SNX30: variants seen among roughly 807,000 people sequenced by gnomAD.
The protein encoded by SNX30 is sorting nexin-30.
In SNX30, 24 loss-of-function variants were observed where a neutral mutation model predicts 46.4. The ratio of observed to expected loss-of-function variants is 0.52; its 90% CI spans 0.37 to 0.73. The LOEUF is 0.73. Among genes scored for constraint, SNX30 ranks in the 30% least tolerant of loss-of-function variants. The probability of loss-of-function intolerance (pLI) is 0.00; values close to 1 mark genes in which losing one functional copy is unlikely to be tolerated. For synonymous variants in SNX30, 189 were observed against 211.5 expected, an observed-to-expected ratio of 0.89 and a Z score of 0.92; for missense variants, 533 against 555.7, an observed-to-expected ratio of 0.96 and a Z score of 0.41.
At chr9:112,792,860 TTC>T (rs1445276483) in intron 1 of SNX30, among the ~76,000 whole-genome samples, 2 of 149,506 alleles carry the variant, frequency 1.3e-5, no homozygotes, top group East Asian at 2.0e-4. Flanking sequence ...CATTTTTAGA[TTC>T]TCTTTCCACT....
At chr9:112,851,048 G>A (rs946963877) in intron 7 of SNX30, 103 bp downstream of exon 7, 46 of 785,078 alleles carry the variant, frequency 5.9e-5, no homozygotes, top group African/African-American at 5.7e-4. Context: ...GGTCAGTGCC[G>A]GCTGGGCTAC....
In SNX30 at chr9:112,856,355, G is replaced by GGGGAGGGCACGTGGCATGTA. The variant is rs1841127876; in HGVS notation, c.1101+5419_1101+5438dup. On this transcript the variant is annotated intron_variant, in intron 7 of 8. Transcript: ENST00000374232. ...GGGGGTGGGTGTGTGGTGTGTGTAT[G>GGGGAGGGCACGTGGCATGTA]GGGAGGGCACGTGGCATGTAGGGAG... Among the ~76,000 whole-genome samples the GGGGAGGGCACGTGGCATGTA allele has an allele frequency of 2.0e-5, 3 of 150,894 alleles. No homozygotes were observed. In the South Asian group the frequency reaches 6.4e-4, roughly 32 times the overall value.
At chr9:112,782,437 AG>A (rs1839860806) in intron 1 of SNX30, among the ~76,000 whole-genome samples, 1 of 152,214 alleles carries the variant, frequency 6.6e-6, no homozygotes, top group Non-Finnish European at 1.5e-5. Context: ...GCACTACAAC[AG>A]CTGACTTGAG....
At chr9:112,851,810 T>A (rs1194904440) in intron 7 of SNX30, among the ~76,000 whole-genome samples, 2 of 152,154 alleles carry the variant, frequency 1.3e-5, no homozygotes, top group Non-Finnish European at 2.9e-5. Flanking sequence ...GGAGATGGAA[T>A]CATAGCGGGT....
In SNX30 at chr9:112,751,231, C is replaced by A; in HGVS notation, c.156+74C>A. ...GGGGGGATGATGGATCCGGAGCCTT[C>A]GTGGGCCTGGGGCCGCGCCCACCCT... On this transcript the variant is annotated intron_variant, in intron 1 of 8. Coordinates refer to ENST00000374232, the MANE Select transcript of SNX30 (RefSeq NM_001012994.2). The A allele has an allele frequency of 2.3e-6, 3 of 1,308,052 alleles. No homozygotes were observed. In the South Asian group the frequency reaches 6.0e-5, roughly 26 times the overall value. 81.0% of individuals were successfully genotyped at this position (1,308,052 alleles called of 1,614,324 possible).
At chr9:112,852,971 C>T (rs10733597) in intron 7 of SNX30, among the ~76,000 whole-genome samples, 121,391 of 151,904 alleles carry the variant, frequency 0.8, 48,692 homozygotes, top group South Asian at 0.87. Flanking sequence ...TTGTAGTGTC[C>T]TTAATGTTAA....
Position 112,829,478 on chromosome 9 carries a change from C to T in SNX30, c.460-1247C>T, listed in dbSNP as rs148265078. Among the ~76,000 whole-genome samples the T allele has an allele frequency of 2.2e-3, 341 of 152,252 alleles. 2 individuals carry two copies. Among genetic ancestry groups the T allele is most frequent in the Non-Finnish European group, 4.0e-3 (271 of 68,006 alleles). ...AATATTTTTGGTAGAGACGTGGTTT[C>T]ACCATGTTGCCCAGGCTGGTCTCGA... On this transcript the variant is annotated intron_variant, in intron 3 of 8. Transcript: ENST00000374232.
At chr9:112,832,132 T>C (rs1840668573) in intron 4 of SNX30, among the ~76,000 whole-genome samples, 2 of 152,186 alleles carry the variant, frequency 1.3e-5, no homozygotes, top group Admixed American at 1.3e-4. Context: ...TTGAGCCTTA[T>C]TGATGACATT....
Position 112,862,822 on chromosome 9 carries a change from A to G in SNX30, c.1102-1425A>G, listed in dbSNP as rs1404900030. Among the ~76,000 whole-genome samples the G allele has an allele frequency of 2.6e-5, 4 of 151,874 alleles. No individual in the cohort carries two copies. The East Asian group carries it at 5.9e-4, about 22-fold the overall frequency. On this transcript the variant is annotated intron_variant, in intron 7 of 8. Transcript: ENST00000374232. ...CAGTGATCTTCTGCCTTGGCCTCCC[A>G]AAGTGCTGGGAGGCATGAACCACTG...
intron 1 of SNX30, among the ~76,000 whole-genome samples, chr9:112,792,685 C>T (rs1840045932): frequency 1.3e-5 from 2 of 152,180 alleles, no homozygotes; most frequent in Admixed American, 6.5e-5. Flanking sequence ...CTCGGTCTCC[C>T]AAAGTGCTGG....
chr9:112,864,230 G>A lies in SNX30; in HGVS notation c.1102-17G>A, dbSNP rs9969687. On this transcript the variant is annotated splice_polypyrimidine_tract_variant and intron_variant, in intron 7 of 8. Coordinates refer to ENST00000374232, the MANE Select transcript of SNX30 (RefSeq NM_001012994.2). ...AGTTTTGTGTGCAGGGCACCCATGT[G>A]TGCCTCCCTTTTCCAGGTACCGGCG... 1.9e-5 allele frequency: 30 copies of A among 1,613,254 alleles called. No homozygotes were observed. In the African/African-American group the frequency reaches 3.7e-4, roughly 20 times the overall value.
At chr9:112,847,272 C>T (rs568618294) in intron 6 of SNX30, among the ~76,000 whole-genome samples, 73 of 152,284 alleles carry the variant, frequency 4.8e-4, no homozygotes, top group African/African-American at 1.7e-3. Flanking sequence ...GTATCCCAGC[C>T]GTCCCGCGCA....
At chr9:112,806,012 A>T in intron 2 of SNX30, among the ~76,000 whole-genome samples, 3 of 152,322 alleles carry the variant, frequency 2.0e-5, no homozygotes, top group Middle Eastern at 6.8e-3. Flanking sequence ...TTTTTTGAAT[A>T]TTTAAAATAG....
At chr9:112,791,813 C>A (rs1273297030) in intron 1 of SNX30, among the ~76,000 whole-genome samples, 2 of 152,054 alleles carry the variant, frequency 1.3e-5, no homozygotes, top group African/African-American at 4.8e-5. Context: ...TGAGTATCTT[C>A]AACAGTGGTT....
intron 2 of SNX30, among the ~76,000 whole-genome samples, chr9:112,810,779 G>T (rs960105972): frequency 2.0e-5 from 3 of 152,196 alleles, no homozygotes; most frequent in Non-Finnish European, 4.4e-5. Flanking sequence ...AGGGCATCAG[G>T]AGAAATGGCA....
intron 2 of SNX30, among the ~76,000 whole-genome samples, chr9:112,812,848 T>A (rs1238049130): frequency 6.6e-6 from 1 of 152,172 alleles, no homozygotes; most frequent in Non-Finnish European, 1.5e-5. Flanking sequence ...ATCCTCCCAT[T>A]TTCCCTTAAA....
At position 112,817,728 on chromosome 9, in the gene SNX30, G is replaced by C. The variant is rs10117709; in HGVS notation, c.372G>C (p.Leu124=). The change falls in exon 3 of 9, where the codon CTG becomes CTC. Residue 124 remains leucine, a synonymous_variant. Transcript: ENST00000374232. The part of the protein sequence containing the change: ...TTKSTRVEFD[L]PEYSVRRRYQ... ...AGAGTACTCGGGTGGAGTTTGACCT[G>C]CCAGAATATTCTGTTCGTCGAAGAT... 0.8 allele frequency: 1,290,622 copies of C among 1,610,356 alleles called. 518,761 individuals are homozygous for C. Among genetic ancestry groups the C allele is most frequent in the South Asian group, 0.86 (78,109 of 91,002 alleles).
chr9:112,869,137 CCTGCAGCTGACGCTCTGACAT>C lies in SNX30; in HGVS notation c.*295_*315del. On this transcript the variant is annotated 3_prime_UTR_variant, in exon 9 of 9. Transcript: ENST00000374232. ...AATTTGAAACCAAGGGACAAGACAA[CCTGCAGCTGACGCTCTGACAT>C]TTCATGACAGTTTCCTCTTTAGGGA... 1 of 388,556 alleles carries C rather than the reference CCTGCAGCTGACGCTCTGACAT, an allele frequency of 2.6e-6. No individual in the cohort carries two copies. Among genetic ancestry groups the C allele is most frequent in the African/African-American group, 2.0e-5 (1 of 49,986 alleles). The allele number at this position is 388,556 out of a possible 1,614,324, so 24.1% of individuals were successfully genotyped here.
At chr9:112,831,345 C>T (rs1230728041) in intron 4 of SNX30, among the ~76,000 whole-genome samples, 1 of 152,136 alleles carries the variant, frequency 6.6e-6, no homozygotes, top group Non-Finnish European at 1.5e-5. Context: ...GGGCCCCACC[C>T]ACTTGCAGCA....
Sources: allele counts gnomAD v4.1 joint callset (sites outside exome capture counted in the v4.1 genomes callset), GRCh38; gene constraint gnomAD v4.1.1; transcripts MANE v1.5; gene names NCBI Gene and HGNC (gene_info 2026-07-23, HGNC 2026-07-21).